FSTL1: variants seen among roughly 807,000 people sequenced by gnomAD.
FSTL1 encodes the protein follistatin like 1, also known as follistatin-related protein 1.
FSTL1 carries 24 observed loss-of-function variants against 45.9 expected under a neutral mutation model. That is an observed-to-expected ratio of 0.52 (90% CI 0.38 to 0.74). The LOEUF (loss-of-function observed/expected upper bound fraction) is 0.74, where lower values mean the gene tolerates loss of function less well. Among genes scored for constraint, FSTL1 ranks in the 30% least tolerant of loss-of-function variants. The probability of loss-of-function intolerance (pLI) is 0.00; values close to 1 mark genes in which losing one functional copy is unlikely to be tolerated. For synonymous variants in FSTL1, 120 were observed against 137.6 expected (o/e 0.87, Z 0.89); for missense variants, 340 against 381.8 (o/e 0.89, Z 0.91).
intron 5 of FSTL1, chr3:120,409,944 T>C: frequency 4.2e-6 from 1 of 238,418 alleles, no homozygotes; most frequent in Middle Eastern, 1.4e-3. Flanking sequence ...TAAAGGATAC[T>C]TTCATTAACT....
In FSTL1 at chr3:120,403,262, G is replaced by T; in HGVS notation, c.674C>A (p.Ser225Tyr). 6.2e-7 allele frequency: 1 copy of T among 1,601,144 alleles called. No homozygotes were observed. The highest frequency in any genetic ancestry group is 8.6e-7 in the Non-Finnish European group (1 of 1,168,198). Residue 225 changes from serine to tyrosine, a missense_variant, in exon 8 of 11, where the codon TCT (serine) becomes TAT (tyrosine). By Grantham distance (144) the Ser-to-Tyr change is moderately radical. Transcript: ENST00000295633. ...CATACTCTTCTCAGGAGGGTTGAAA[G>T]ATGGGTTGAGGCACTTGAGAAACTC... is the stretch of plus-strand genomic sequence containing the variant. ...FQEFLKCLNP[S>Y]FNPPEKKCAL...
At chr3:120,412,104 G>C (rs1937069549) in intron 3 of FSTL1, 121 bp from the exon 4 acceptor site, 2 of 968,786 alleles carry the variant, frequency 2.1e-6, no homozygotes, top group South Asian at 3.2e-5. Context: ...TCCACCACCA[G>C]AGATGGTGCT....
intron 2 of FSTL1, chr3:120,441,382 TC>T (rs1398278784): frequency 6.6e-6 from 1 of 152,212 alleles, no homozygotes; most frequent in Non-Finnish European, 1.5e-5. Context: ...CAGGAGATGC[TC>T]CATGAGTACT....
chr3:120,403,463 A>ATT, intron 7 of FSTL1, 109 bp from the exon 8 acceptor site: 1 of 664,574 alleles, frequency 1.5e-6, no homozygotes, highest in South Asian at 1.8e-5. Flanking sequence ...GGAGGCCAAG[A>ATT]AGATGACTGC....
At chr3:120,425,710 C>T (rs1447546664) in intron 2 of FSTL1, among the ~76,000 whole-genome samples, 1 of 152,182 alleles carries the variant, frequency 6.6e-6, no homozygotes, top group Non-Finnish European at 1.5e-5. Context: ...AATGGCCAAA[C>T]TAAAGAAAGT....
chr3:120,404,896 T>C lies in FSTL1; in HGVS notation c.538A>G (p.Asn180Asp), dbSNP rs1028889387. ...KFVEQNETAI[N>D]ITTYPDQENN... ...TCCTGGTCTGGATACGTTGTAATAT[T>C]GATGGCAGTTTCATTCTGTTCCACA... The change falls in exon 7 of 11, where the codon AAT (asparagine) becomes GAT (aspartate). Residue 180 changes from asparagine (N) to aspartate (D), a missense_variant. Asn to Asp is a conservative substitution (Grantham distance 23). Coordinates refer to ENST00000295633, the MANE Select transcript of FSTL1 (RefSeq NM_007085.5). 1 of 1,602,580 alleles carries C rather than the reference T, an allele frequency of 6.2e-7. No homozygotes were observed. Among genetic ancestry groups the C allele is most frequent in the Admixed American group, 1.7e-5 (1 of 59,988 alleles).
At chr3:120,405,669 C>T (rs1171935807) in intron 6 of FSTL1, among the ~76,000 whole-genome samples, 3 of 152,236 alleles carry the variant, frequency 2.0e-5, no homozygotes, top group Non-Finnish European at 4.4e-5. Context: ...GATCATCCAG[C>T]TCAGGCTGCC....
intron 5 of FSTL1, chr3:120,410,019 A>G (rs1230353564): frequency 5.8e-6 from 1 of 173,290 alleles, no homozygotes; most frequent in African/African-American, 2.4e-5. Flanking sequence ...AGCTGAAATA[A>G]TACATGAATA....
rs955534895 is a variant in FSTL1, at chr3:120,393,615, C to T, written c.*3337G>A. 1 of 152,186 alleles carries T rather than the reference C, an allele frequency of 6.6e-6. No homozygotes were observed. The highest frequency in any genetic ancestry group is 1.5e-5 in the Non-Finnish European group (1 of 68,038). The allele number at this position is 152,186 out of a possible 1,614,324, so 9.4% of individuals were successfully genotyped here. On this transcript the variant is annotated 3_prime_UTR_variant, in exon 11 of 11. Coordinates refer to ENST00000295633, the MANE Select transcript of FSTL1 (RefSeq NM_007085.5). ...AGCCTCACTGGATGCCATTTAGTCT[C>T]CTAAATCATATGGGGGATTTACGAG...
chr3:120,402,234 A>G (rs535887847), intron 9 of FSTL1, among the ~76,000 whole-genome samples: 21 of 152,208 alleles, frequency 1.4e-4, no homozygotes, highest in African/African-American at 5.1e-4. Context: ...GTCTACAAAC[A>G]TATTTTCTTT....
Position 120,395,502 on chromosome 3 carries a change from A to T in FSTL1, c.*1450T>A. ...ATTTCCAGCCGGAGGTTAAACATGA[A>T]ATGCAAATATGAAGACAGAGTGGGG... is the stretch of plus-strand genomic sequence containing the variant. On this transcript the variant is annotated 3_prime_UTR_variant, in exon 11 of 11. Coordinates refer to ENST00000295633, the MANE Select transcript of FSTL1 (RefSeq NM_007085.5). The T allele has an allele frequency of 2.5e-6, 1 of 400,954 alleles. No homozygotes were observed. The highest frequency in any genetic ancestry group is 4.9e-6 in the Non-Finnish European group (1 of 202,356). The allele number at this position is 400,954 out of a possible 1,614,324, so 24.8% of individuals were successfully genotyped here.
chr3:120,408,326 G>A (rs895235343), intron 6 of FSTL1, among the ~76,000 whole-genome samples: 2 of 152,236 alleles, frequency 1.3e-5, no homozygotes, highest in African/African-American at 2.4e-5. Context: ...TTTCATCTGG[G>A]TATGATCTCA....
chr3:120,440,290 T>G (rs932978054), intron 2 of FSTL1, among the ~76,000 whole-genome samples: 1 of 152,380 alleles, frequency 6.6e-6, no homozygotes, highest in East Asian at 1.9e-4. Flanking sequence ...AATGGCCAAG[T>G]CTGAAGTGTC....
intron 3 of FSTL1, among the ~76,000 whole-genome samples, chr3:120,412,819 TGCGCGCGCGC>T (rs67648835): frequency 3.5e-4 from 24 of 68,844 alleles, no homozygotes; most frequent in Non-Finnish European, 4.8e-4. Flanking sequence ...CACACACATG[TGCGCGCGCGC>T]GCGCGCGCGC....
chr3:120,443,303 C>T (rs1937664076), intron 2 of FSTL1, among the ~76,000 whole-genome samples: 2 of 149,494 alleles, frequency 1.3e-5, no homozygotes, highest in South Asian at 2.1e-4. Flanking sequence ...TAAAGCCTTA[C>T]ATCTGACCCC....
At position 120,449,698 on chromosome 3, in the gene FSTL1, A is replaced by C. The variant is rs142395300; in HGVS notation, c.63+986T>G. ...ATGCATTTATGACTTTTTTGGGCAGAGTCAAGCTGCGATGCTAAGGGTGTG... is the reference window on the plus strand; with the variant it reads ...ATGCATTTATGACTTTTTTGGGCAGCGTCAAGCTGCGATGCTAAGGGTGTG... On this transcript the variant is annotated intron_variant, in intron 2 of 10. Coordinates refer to ENST00000295633, the MANE Select transcript of FSTL1 (RefSeq NM_007085.5). Among the ~76,000 whole-genome samples the C allele has an allele frequency of 1.2e-4, 18 of 152,334 alleles. 1 individual carries two copies. In the East Asian group the frequency reaches 2.3e-3, roughly 20 times the overall value.
intron 2 of FSTL1, among the ~76,000 whole-genome samples, chr3:120,444,835 TG>T (rs909489858): frequency 6.7e-6 from 1 of 149,870 alleles, no homozygotes. Context: ...AGAATAAAGC[TG>T]GGGGGTGTGT....
chr3:120,431,855 C>T (rs561763931), intron 2 of FSTL1, among the ~76,000 whole-genome samples: 1 of 152,226 alleles, frequency 6.6e-6, no homozygotes, highest in Admixed American at 6.5e-5. Context: ...GCATCTGGGA[C>T]CAGGATACTG....
chr3:120,440,309 C>G (rs190661145), intron 2 of FSTL1, among the ~76,000 whole-genome samples: 1 of 152,356 alleles, frequency 6.6e-6, no homozygotes, highest in Admixed American at 6.5e-5. Context: ...TCATTCCAGG[C>G]ACATAGCCAT....
Sources: allele counts gnomAD v4.1 joint callset (sites outside exome capture counted in the v4.1 genomes callset), GRCh38; gene constraint gnomAD v4.1.1; transcripts MANE v1.5; gene names NCBI Gene and HGNC (gene_info 2026-07-23, HGNC 2026-07-21).